Variants in CFAP299 observed in about 807,000 individuals in gnomAD.
CFAP299 encodes cilia and flagella associated protein 299.
In CFAP299, 21 loss-of-function variants were observed where a neutral mutation model predicts 27.0. That is an observed-to-expected ratio of 0.78 (90% CI 0.55 to 1.12). CFAP299 has a LOEUF of 1.12. Among genes scored for constraint, CFAP299 ranks in the 50% most tolerant of loss-of-function variants. CFAP299 has a pLI of 0.00. For missense variants in CFAP299, 310 were observed against 276.6 expected, an observed-to-expected ratio of 1.12 and a Z score of -0.86; for synonymous variants, 104 against 98.1, an observed-to-expected ratio of 1.06 and a Z score of -0.36.
At chr4:80,884,218 C>T (rs1210220770) in intron 4 of CFAP299, among the ~76,000 whole-genome samples, 1 of 152,160 alleles carries the variant, frequency 6.6e-6, no homozygotes. Context: ...CAGCAGAATA[C>T]ACATTCTTCT....
chr4:80,685,724 T>C (rs1365697904), intron 3 of CFAP299, among the ~76,000 whole-genome samples: 1 of 152,050 alleles, frequency 6.6e-6, no homozygotes, highest in African/African-American at 2.4e-5. Flanking sequence ...GGGAGTTCAA[T>C]TGACATAACT....
chr4:80,826,064 GTT>G (rs1344672139), intron 3 of CFAP299, among the ~76,000 whole-genome samples: 2 of 151,868 alleles, frequency 1.3e-5, no homozygotes, highest in Non-Finnish European at 2.9e-5. Context: ...AAGGTGTAAT[GTT>G]GTGATAACGA....
At chr4:80,557,963 C>T (rs1349841551) in intron 2 of CFAP299, among the ~76,000 whole-genome samples, 1 of 152,086 alleles carries the variant, frequency 6.6e-6, no homozygotes, top group African/African-American at 2.4e-5. Flanking sequence ...TTCAAGTGCA[C>T]ACTTGAAGGC....
rs143720505 is a variant in CFAP299, at chr4:80,363,123, C to T, written c.242+239C>T. Reference sequence around the variant, plus strand: ...ACATACCAAAATATGGTCATCATACCAATAAAGTCTTGTTAAAAAGTAACT... The same window carrying T: ...ACATACCAAAATATGGTCATCATACTAATAAAGTCTTGTTAAAAAGTAACT... On this transcript the variant is annotated intron_variant, in intron 2 of 5. Coordinates refer to ENST00000358105, the MANE Select transcript of CFAP299 (RefSeq NM_152770.3). 1.2e-4 allele frequency among the ~76,000 whole-genome samples: 19 copies of T among 152,226 alleles called. No homozygotes were observed. The East Asian group carries it at 3.3e-3, about 26-fold the overall frequency.
intron 4 of CFAP299, among the ~76,000 whole-genome samples, chr4:80,917,513 A>C (rs945301907): frequency 1.6e-4 from 25 of 152,312 alleles, no homozygotes; most frequent in South Asian, 4.1e-4. Flanking sequence ...AATTACTTAC[A>C]CAAGTATTGG....
At chr4:80,407,249 A>G (rs543746120) in intron 2 of CFAP299, among the ~76,000 whole-genome samples, 1 of 152,310 alleles carries the variant, frequency 6.6e-6, no homozygotes, top group South Asian at 2.1e-4. Flanking sequence ...TCAGTTATCT[A>G]CGGTCATGAA....
intron 2 of CFAP299, among the ~76,000 whole-genome samples, chr4:80,516,720 A>C (rs1457178566): frequency 1.3e-5 from 2 of 152,164 alleles, no homozygotes; most frequent in Non-Finnish European, 2.9e-5. Flanking sequence ...AAAAACATCC[A>C]AACCATGTCA....
chr4:80,538,703 A>C (rs1733864166), intron 2 of CFAP299, among the ~76,000 whole-genome samples: 2 of 152,194 alleles, frequency 1.3e-5, no homozygotes, highest in Admixed American at 6.5e-5. Flanking sequence ...TAGGAGAAAC[A>C]GGCTATACCC....
In CFAP299 at chr4:80,744,567, CT is replaced by C. The variant is rs369876762; in HGVS notation, c.334-125420del. Among the ~76,000 whole-genome samples the C allele has an allele frequency of 5.1e-3, 768 of 151,986 alleles. 4 individuals carry two copies. The highest frequency in any genetic ancestry group is 0.02 in the Middle Eastern group (6 of 294). ...CAGGTGAACACCTCCTCTCCTTTAC[CT>C]TTTTTGATTTTCATCTTTTTTTTTT... On this transcript the variant is annotated intron_variant, in intron 3 of 5. Coordinates refer to ENST00000358105, the MANE Select transcript of CFAP299 (RefSeq NM_152770.3).
At chr4:80,442,423 C>T (rs1331055861) in intron 2 of CFAP299, among the ~76,000 whole-genome samples, 2 of 152,196 alleles carry the variant, frequency 1.3e-5, no homozygotes, top group Non-Finnish European at 2.9e-5. Flanking sequence ...CGCAGAACTA[C>T]ATGGAAACTG....
chr4:80,931,722 A>G (rs557239413), intron 4 of CFAP299, among the ~76,000 whole-genome samples: 13 of 148,718 alleles, frequency 8.7e-5, no homozygotes, highest in Non-Finnish European at 1.2e-4. Flanking sequence ...ACATGCACGC[A>G]CACACACACA....
chr4:80,757,094 A>G (rs1428883862), intron 3 of CFAP299, among the ~76,000 whole-genome samples: 1 of 152,166 alleles, frequency 6.6e-6, no homozygotes, highest in East Asian at 1.9e-4. Flanking sequence ...AATAAATAAG[A>G]TCACTCAAGC....
chr4:80,682,132 C>T (rs189297144), intron 3 of CFAP299, among the ~76,000 whole-genome samples: 6 of 152,116 alleles, frequency 3.9e-5, no homozygotes, highest in Admixed American at 1.3e-4. Context: ...GGGATCTGCC[C>T]GCTTTTTCTC....
chr4:80,605,039 A>G (rs1014915854), intron 3 of CFAP299, among the ~76,000 whole-genome samples: 6 of 152,202 alleles, frequency 3.9e-5, no homozygotes, highest in Non-Finnish European at 8.8e-5. Context: ...TTTTGCTACC[A>G]GTGAAAATGG....
At chr4:80,418,471 A>G (rs1727128881) in intron 2 of CFAP299, among the ~76,000 whole-genome samples, 1 of 152,254 alleles carries the variant, frequency 6.6e-6, no homozygotes, top group South Asian at 2.1e-4. Context: ...TATCACCTCA[A>G]ACATTTAACA....
At chr4:80,369,781 C>T (rs562665789) in intron 2 of CFAP299, among the ~76,000 whole-genome samples, 4 of 152,286 alleles carry the variant, frequency 2.6e-5, no homozygotes, top group South Asian at 4.1e-4. Context: ...AGTGCATGCA[C>T]ATCGGTTTTT....
chr4:80,549,172 A>AAC (rs145823973), intron 2 of CFAP299, among the ~76,000 whole-genome samples: 87 of 151,254 alleles, frequency 5.8e-4, no homozygotes, highest in Admixed American at 1.1e-3. Flanking sequence ...TCAAGAAAGT[A>AAC]ACACACACAC....
At chr4:80,728,128 C>T (rs1016661322) in intron 3 of CFAP299, among the ~76,000 whole-genome samples, 1 of 143,970 alleles carries the variant, frequency 6.9e-6, no homozygotes, top group Non-Finnish European at 1.5e-5. Flanking sequence ...AGAAATGATC[C>T]TCAGTATTTC....
intron 3 of CFAP299, among the ~76,000 whole-genome samples, chr4:80,622,941 A>G (rs1403594096): frequency 1.3e-5 from 2 of 152,174 alleles, no homozygotes; most frequent in Non-Finnish European, 2.9e-5. Context: ...TGTAACTATG[A>G]GCTTGGGGCT....
Sources: gnomAD v4.1 joint callset for allele counts (sites outside exome capture counted in the v4.1 genomes callset) on GRCh38, gnomAD v4.1.1 for gene constraint, MANE v1.5 for transcripts, NCBI Gene and HGNC (gene_info 2026-07-23, HGNC 2026-07-21) for gene names.